SEC24B: variants seen among roughly 807,000 people sequenced by gnomAD.
The protein encoded by SEC24B is protein transport protein Sec24B.
SEC24B carries 45 observed loss-of-function variants against 142.8 expected under a neutral mutation model. That is an observed-to-expected ratio of 0.32 (90% CI 0.25 to 0.40). SEC24B has a LOEUF of 0.40. SEC24B is among the 10% of genes least tolerant of loss of function. SEC24B has a pLI of 1.00. For missense variants in SEC24B, 1,409 were observed against 1,526.8 expected (o/e 0.92, Z 1.29); for synonymous variants, 574 against 568.2 (o/e 1.01, Z -0.15).
chr4:109,451,643 C>T (rs1406409277), intron 1 of SEC24B, among the ~76,000 whole-genome samples: 3 of 152,148 alleles, frequency 2.0e-5, no homozygotes, highest in Non-Finnish European at 2.9e-5. Flanking sequence ...AAAATCAGCC[C>T]TATGTCCAAG....
intron 1 of SEC24B, among the ~76,000 whole-genome samples, chr4:109,462,354 C>T (rs1731350477): frequency 6.6e-6 from 1 of 152,154 alleles, no homozygotes; most frequent in Non-Finnish European, 1.5e-5. Context: ...AGCAGCCTAG[C>T]TAGGTGGTTC....
chr4:109,470,703 A>T (rs1457671619), intron 2 of SEC24B, among the ~76,000 whole-genome samples: 1 of 152,198 alleles, frequency 6.6e-6, no homozygotes, highest in Non-Finnish European at 1.5e-5. Flanking sequence ...AATAACCTAA[A>T]AGTCCATTAA....
At chr4:109,499,978 A>G (rs530391324) in intron 6 of SEC24B, among the ~76,000 whole-genome samples, 17 of 152,330 alleles carry the variant, frequency 1.1e-4, no homozygotes, top group South Asian at 4.1e-4. Context: ...ATTACACCTT[A>G]AGACCTTCCA....
intron 9 of SEC24B, 58 bp downstream of exon 9, chr4:109,512,141 AT>A: frequency 6.9e-7 from 1 of 1,442,532 alleles, no homozygotes. Flanking sequence ...TTTTTTTGAG[AT>A]TTTTGTCATC....
rs766424388 is a variant in SEC24B, at chr4:109,532,759, T to G, written c.3495+16T>G. 1 of 1,272,558 alleles carries G rather than the reference T, an allele frequency of 7.9e-7. No individual in the cohort carries two copies. The highest frequency in any genetic ancestry group is 1.2e-6 in the Non-Finnish European group (1 of 869,044). The allele number at this position is 1,272,558 out of a possible 1,614,324, so 78.8% of individuals were successfully genotyped here. ...CTGTGGCTCTGTAAGCACCCTTTAC[T>G]GGCAAAGCTTAACACTGTTTGAGCT... On this transcript the variant is annotated intron_variant, in intron 21 of 23. Coordinates refer to ENST00000265175, the MANE Select transcript of SEC24B (RefSeq NM_006323.5).
intron 6 of SEC24B, among the ~76,000 whole-genome samples, chr4:109,503,502 G>A (rs1736385434): frequency 6.6e-6 from 1 of 152,054 alleles, no homozygotes; most frequent in African/African-American, 2.4e-5. Flanking sequence ...GGGATTACAG[G>A]CATGAGCCAC....
intron 1 of SEC24B, among the ~76,000 whole-genome samples, chr4:109,459,174 A>G (rs1426555331): frequency 6.6e-6 from 1 of 152,222 alleles, no homozygotes; most frequent in Non-Finnish European, 1.5e-5. Context: ...AGCTTAAATA[A>G]ATGTGGAAGA....
At chr4:109,437,029 G>A (rs1348574739) in intron 1 of SEC24B, among the ~76,000 whole-genome samples, 1 of 152,152 alleles carries the variant, frequency 6.6e-6, no homozygotes, top group Admixed American at 6.5e-5. Flanking sequence ...TTTGTAACTG[G>A]TTCCTCAGAA....
chr4:109,483,436 A>G (rs191033859), intron 4 of SEC24B, among the ~76,000 whole-genome samples: 15 of 152,288 alleles, frequency 9.8e-5, no homozygotes, highest in South Asian at 4.1e-4. Flanking sequence ...GTGACTTGTC[A>G]TATGAGGTCA....
intron 14 of SEC24B, among the ~76,000 whole-genome samples, chr4:109,523,300 T>C (rs1723858200): frequency 1.3e-5 from 2 of 151,924 alleles, no homozygotes; most frequent in Admixed American, 1.3e-4. Flanking sequence ...CAAAACCCCA[T>C]CTCTCCTAAA....
Position 109,532,710 on chromosome 4 carries a change from A to G in SEC24B, c.3462A>G (p.Thr1154=). The change falls in exon 21 of 24, where the codon ACA becomes ACG. Residue 1154 remains threonine, a synonymous_variant. Coordinates refer to ENST00000265175, the MANE Select transcript of SEC24B (RefSeq NM_006323.5). ...PLQKLSAEKL[T]REGAFLMDCG... is the part of the protein sequence containing the mutation. ...AAAAATTGTCTGCAGAGAAGCTGACAAGAGAAGGTGCTTTCCTTATGGACT... is the reference window on the plus strand; with the variant it reads ...AAAAATTGTCTGCAGAGAAGCTGACGAGAGAAGGTGCTTTCCTTATGGACT... 1 of 1,609,532 alleles carries G rather than the reference A, an allele frequency of 6.2e-7. No homozygotes were observed. The highest frequency in any genetic ancestry group is 8.5e-7 in the Non-Finnish European group (1 of 1,175,800).
intron 5 of SEC24B, among the ~76,000 whole-genome samples, chr4:109,492,001 C>G (rs1192949468): frequency 6.6e-6 from 1 of 152,068 alleles, no homozygotes; most frequent in Non-Finnish European, 1.5e-5. Context: ...CACTGACAAC[C>G]TGACAACTGT....
At chr4:109,469,833 A>T (rs543158890) in intron 2 of SEC24B, among the ~76,000 whole-genome samples, 1 of 152,338 alleles carries the variant, frequency 6.6e-6, no homozygotes, top group East Asian at 1.9e-4. Context: ...TTATTGAAAG[A>T]CAACATGAAA....
intron 6 of SEC24B, among the ~76,000 whole-genome samples, chr4:109,497,352 A>T (rs1348223360): frequency 6.6e-6 from 1 of 152,260 alleles, no homozygotes; most frequent in Non-Finnish European, 1.5e-5. Flanking sequence ...ATATTCTACC[A>T]GAATTAAAAA....
rs565323901 is a variant in SEC24B, at chr4:109,462,991, C to A, written c.224C>A (p.Pro75His). The A allele has an allele frequency of 4.3e-6, 7 of 1,614,024 alleles. No homozygotes were observed. The South Asian group carries it at 7.7e-5, about 18-fold the overall frequency. The stretch of plus-strand genomic sequence containing the variant: ...CCCTCAGGACATTACTCTCAAGGAC[C>A]TGGGAAAATGACCTCATTGCCATTG... ...IAPSGHYSQG[P>H]GKMTSLPLDT... is the part of the protein sequence containing the mutation. The change falls in exon 2 of 24, where the codon CCT (proline) becomes CAT (histidine). Residue 75 changes from proline to histidine, a missense_variant. This residue lies in a region of SEC24B where 709 missense variants were observed against 673.5 expected (regional missense o/e 1.05). Coordinates refer to ENST00000265175, the MANE Select transcript of SEC24B (RefSeq NM_006323.5).
rs1394040715 is a variant in SEC24B at position 109,494,743 on chromosome 4, T to G, written c.1375T>G (p.Phe459Val). 6.2e-7 allele frequency: 1 copy of G among 1,614,254 alleles called. No homozygotes were observed. The highest frequency in any genetic ancestry group is 1.7e-5 in the Admixed American group (1 of 60,034). ...VPQPSKMAKP[F>V]GYGYPTLQPG... ...TCAGCCTTCAAAAATGGCTAAGCCTTTTGGCTATGGCTATCCAACACTTCA... is the reference window on the plus strand; with the variant it reads ...TCAGCCTTCAAAAATGGCTAAGCCTGTTGGCTATGGCTATCCAACACTTCA... The change falls in exon 6 of 24, where the codon TTT becomes GTT. Residue 459 changes from phenylalanine (F) to valine (V), a missense_variant. Around this residue, in one of 2 missense-constraint regions of SEC24B, gnomAD observed 709 missense variants for 673.5 expected, o/e 1.05. Coordinates refer to ENST00000265175, the MANE Select transcript of SEC24B (RefSeq NM_006323.5).
At chr4:109,436,781 A>G (rs535395285) in intron 1 of SEC24B, among the ~76,000 whole-genome samples, 8 of 152,350 alleles carry the variant, frequency 5.3e-5, no homozygotes, top group Admixed American at 3.9e-4. Context: ...GAAGCTTTAT[A>G]AAAACTCTGG....
chr4:109,441,494 G>C (rs1728923116), intron 1 of SEC24B, among the ~76,000 whole-genome samples: 1 of 152,180 alleles, frequency 6.6e-6, no homozygotes, highest in South Asian at 2.1e-4. Context: ...GCAGTGATAT[G>C]ATCACAGCTC....
At chr4:109,457,480 C>T (rs946792105) in intron 1 of SEC24B, among the ~76,000 whole-genome samples, 5 of 152,182 alleles carry the variant, frequency 3.3e-5, no homozygotes, top group African/African-American at 1.2e-4. Flanking sequence ...CATCACGTGG[C>T]AGAAGGGCAA....
Sources: allele counts gnomAD v4.1 joint callset (sites outside exome capture counted in the v4.1 genomes callset), GRCh38; gene constraint gnomAD v4.1.1; regional missense constraint gnomAD v4.1.1; transcripts MANE v1.5; gene names NCBI Gene and HGNC (gene_info 2026-07-23, HGNC 2026-07-21).